RGL1: variants seen among roughly 807,000 people sequenced by gnomAD.
RGL1 encodes the protein ral guanine nucleotide dissociation stimulator-like 1.
RGL1 carries 24 observed loss-of-function variants against 95.2 expected under a neutral mutation model. That is an observed-to-expected ratio of 0.25 (90% CI 0.18 to 0.35). RGL1 has a LOEUF of 0.35. Ranked by LOEUF, RGL1 falls within the 10% of genes least tolerant of loss-of-function variation. RGL1 has a pLI of 1.00. For missense variants in RGL1, 715 were observed against 936.3 expected (o/e 0.76, Z 3.08); for synonymous variants, 329 against 344.9 (o/e 0.95, Z 0.51).
chr1:183,713,108 T>G (rs1006005137), intron 1 of RGL1, among the ~76,000 whole-genome samples: 2 of 152,022 alleles, frequency 1.3e-5, no homozygotes, highest in African/African-American at 4.8e-5. Flanking sequence ...TAACTGCAAC[T>G]TCCACCTCCC....
intron 2 of RGL1, among the ~76,000 whole-genome samples, chr1:183,832,611 G>T (rs1449126822): frequency 6.6e-6 from 1 of 152,110 alleles, no homozygotes; most frequent in Non-Finnish European, 1.5e-5. Flanking sequence ...ATTCACAGAA[G>T]ATTTTTGAGG....
chr1:183,782,471 A>T (rs1039711564), intron 2 of RGL1, among the ~76,000 whole-genome samples: 5 of 152,228 alleles, frequency 3.3e-5, no homozygotes, highest in African/African-American at 1.2e-4. Flanking sequence ...ATGCTTCTTC[A>T]TAAAACTTGA....
chr1:183,700,862 C>T (rs1390834475), intron 1 of RGL1, among the ~76,000 whole-genome samples: 1 of 151,990 alleles, frequency 6.6e-6, no homozygotes, highest in Non-Finnish European at 1.5e-5. Context: ...AGGTTTTAAG[C>T]CCCACATACA....
At chr1:183,919,141 CAAT>C (rs902848019) in intron 16 of RGL1, among the ~76,000 whole-genome samples, 16 of 152,056 alleles carry the variant, frequency 1.1e-4, no homozygotes, top group Admixed American at 4.6e-4. Context: ...TTTAAAATAA[CAAT>C]AATGAACACA....
intron 2 of RGL1, among the ~76,000 whole-genome samples, chr1:183,799,939 C>T (rs1660898141): frequency 6.6e-6 from 1 of 152,152 alleles, no homozygotes; most frequent in Non-Finnish European, 1.5e-5. Context: ...TATTCAATGC[C>T]TCCTATGTTC....
chr1:183,818,251 G>A (rs1662218782), intron 2 of RGL1, among the ~76,000 whole-genome samples: 1 of 152,138 alleles, frequency 6.6e-6, no homozygotes, highest in African/African-American at 2.4e-5. Context: ...CCTTCCATCT[G>A]GACCTCCAGA....
In RGL1 at chr1:183,927,136, A is replaced by C. The variant is rs1374650300; in HGVS notation, c.*844A>C. On this transcript the variant is annotated 3_prime_UTR_variant, in exon 18 of 18. Transcript: ENST00000360851. Reference sequence around the variant, plus strand: ...TGCACAAATAACCATGTTCTTTGGTAATGAAGCCAGAAAAGAAAGCGCAAA... The same window carrying C: ...TGCACAAATAACCATGTTCTTTGGTCATGAAGCCAGAAAAGAAAGCGCAAA... 1 of 152,598 alleles carries C rather than the reference A, an allele frequency of 6.6e-6. No homozygotes were observed. Among genetic ancestry groups the C allele is most frequent in the Admixed American group, 6.5e-5 (1 of 15,286 alleles). The allele number at this position is 152,598 out of a possible 1,614,324, so 9.5% of individuals were successfully genotyped here.
At chr1:183,787,894 C>G (rs1660257409) in intron 2 of RGL1, among the ~76,000 whole-genome samples, 1 of 152,098 alleles carries the variant, frequency 6.6e-6, no homozygotes, top group Non-Finnish European at 1.5e-5. Flanking sequence ...TGATCTCTTA[C>G]AGCTCCCCTT....
chr1:183,870,553 G>T lies in RGL1; in HGVS notation c.425+4480G>T, dbSNP rs576609692. Among the ~76,000 whole-genome samples the T allele has an allele frequency of 6.6e-5, 10 of 152,296 alleles. No homozygotes were observed. The East Asian group carries it at 1.9e-3, about 29-fold the overall frequency. ...TTCTGCTATCTTGCTGACGCGTGCT[G>T]CTGGCGCAAGTGGCCTTGAGCTTTG... On this transcript the variant is annotated intron_variant, in intron 4 of 17. Coordinates refer to ENST00000360851, the MANE Select transcript of RGL1 (RefSeq NM_001297671.3).
At position 183,916,713 on chromosome 1, in the gene RGL1, G is replaced by T. The variant is rs372796860; in HGVS notation, c.2004+12G>T. 6 of 1,606,594 alleles carry T rather than the reference G, an allele frequency of 3.7e-6. No individual in the cohort carries two copies. In the African/African-American group the frequency reaches 6.7e-5, roughly 18 times the overall value. On this transcript the variant is annotated intron_variant, in intron 16 of 17. Transcript: ENST00000360851. The stretch of plus-strand genomic sequence containing the variant: ...ACAAGAGCATCATGGTGAGGAGCAA[G>T]CCCTGACCCAGGAGCGGGTTTCCAT...
At chr1:183,883,002 C>T (rs1044292598) in intron 5 of RGL1, among the ~76,000 whole-genome samples, 4 of 152,050 alleles carry the variant, frequency 2.6e-5, no homozygotes, top group Admixed American at 6.5e-5. Flanking sequence ...GGAAACAACC[C>T]GAGCACTGGG....
At chr1:183,821,145 A>C (rs975052947) in intron 2 of RGL1, among the ~76,000 whole-genome samples, 11 of 152,050 alleles carry the variant, frequency 7.2e-5, no homozygotes, top group African/African-American at 2.7e-4. Context: ...AATAATAATA[A>C]TAATAATAAT....
At chr1:183,860,358 C>G (rs569153168) in intron 3 of RGL1, among the ~76,000 whole-genome samples, 1 of 152,276 alleles carries the variant, frequency 6.6e-6, no homozygotes, top group Admixed American at 6.5e-5. Flanking sequence ...GTAGAAGTAG[C>G]AGTAAGCAAA....
chr1:183,892,058 T>C lies in RGL1; in HGVS notation c.1056-19T>C, dbSNP rs756122395. ...TCCTAACTCTTCATTGTTAATATTTTCTTAATCCCTTTTCATAGGGACCGA... is the reference window on the plus strand; with the variant it reads ...TCCTAACTCTTCATTGTTAATATTTCCTTAATCCCTTTTCATAGGGACCGA... On this transcript the variant is annotated intron_variant, in intron 8 of 17. Transcript: ENST00000360851. The C allele has an allele frequency of 1.3e-6, 2 of 1,590,930 alleles. No individual in the cohort carries two copies. The highest frequency in any genetic ancestry group is 2.2e-5 in the South Asian group (2 of 90,540).
Position 183,922,241 on chromosome 1 carries a change from C to T in RGL1, c.2024C>T (p.Thr675Ile). Residue 675 changes from threonine (T) to isoleucine (I), a missense_variant, in exon 17 of 18, where the codon ACC (threonine) becomes ATC (isoleucine). Around this residue, in one of 3 missense-constraint regions of RGL1, gnomAD observed 330 missense variants for 429.6 expected, o/e 0.77. Transcript: ENST00000360851. Reference sequence around the variant, plus strand: ...TTGCAGTTGACGAGCCAGGATAAAACCCCCGCTGTGATCCAGAGAGCCATG... The same window carrying T: ...TTGCAGTTGACGAGCCAGGATAAAATCCCCGCTGTGATCCAGAGAGCCATG... Reference protein sequence around the residue: ...KSIMLTSQDKTPAVIQRAMLK... With the variant: ...KSIMLTSQDKIPAVIQRAMLK... The T allele has an allele frequency of 6.2e-7, 1 of 1,614,048 alleles. No homozygotes were observed. Among genetic ancestry groups the T allele is most frequent in the Non-Finnish European group, 8.5e-7 (1 of 1,179,948 alleles).
At chr1:183,691,271 G>T (rs1183909116) in intron 1 of RGL1, among the ~76,000 whole-genome samples, 1 of 152,138 alleles carries the variant, frequency 6.6e-6, no homozygotes, top group Non-Finnish European at 1.5e-5. Flanking sequence ...AAAACATTTG[G>T]ATTGGAGCCC....
chr1:183,900,391 A>G (rs573334956), intron 11 of RGL1, among the ~76,000 whole-genome samples, 155 bp downstream of exon 11: 12 of 152,382 alleles, frequency 7.9e-5, no homozygotes, highest in African/African-American at 2.9e-4. Flanking sequence ...CCAAAGACTA[A>G]CACCAGAAGT....
intron 1 of RGL1, among the ~76,000 whole-genome samples, chr1:183,708,520 G>A (rs190815814): frequency 5.9e-5 from 9 of 152,300 alleles, no homozygotes; most frequent in East Asian, 1.9e-4. Context: ...GACTGGGACC[G>A]TATCTGGACC....
At chr1:183,689,564 G>A (rs770418293) in intron 1 of RGL1, among the ~76,000 whole-genome samples, 3 of 152,172 alleles carry the variant, frequency 2.0e-5, no homozygotes, top group Non-Finnish European at 2.9e-5. Flanking sequence ...GTTATTGCAT[G>A]TAACACATCA....
Sources: gnomAD v4.1 joint callset for allele counts (sites outside exome capture counted in the v4.1 genomes callset) on GRCh38, gnomAD v4.1.1 for gene constraint, gnomAD v4.1.1 regional missense constraint, MANE v1.5 for transcripts, NCBI Gene and HGNC (gene_info 2026-07-23, HGNC 2026-07-21) for gene names.